The following RAPGEF6 variants were observed in gnomAD, a reference collection of about 807,000 sequenced individuals.
RAPGEF6 encodes the protein PDZ domain containing guanine nucleotide exchange factor (GEF) 2.
Under a neutral mutation model 171.4 loss-of-function variants are expected in RAPGEF6, and 56 were observed. The ratio of observed to expected loss-of-function variants is 0.33; its 90% CI spans 0.26 to 0.41. The LOEUF is 0.41. Among genes scored for constraint, RAPGEF6 ranks in the 10% least tolerant of loss-of-function variants. The probability of loss-of-function intolerance (pLI) is 1.00; values close to 1 mark genes in which losing one functional copy is unlikely to be tolerated. For synonymous variants in RAPGEF6, 692 were observed against 650.1 expected, an observed-to-expected ratio of 1.06 and a Z score of -0.98; for missense variants, 1,674 against 1,921.4, an observed-to-expected ratio of 0.87 and a Z score of 2.41.
At chr5:131,571,188 C>A (rs575233175) in intron 4 of RAPGEF6, among the ~76,000 whole-genome samples, 2 of 152,030 alleles carry the variant, frequency 1.3e-5, no homozygotes, top group East Asian at 3.9e-4. Flanking sequence ...GTGATCCACC[C>A]GCCTTGGCCT....
intron 6 of RAPGEF6, 38 bp from the exon 7 acceptor site, chr5:131,521,559 A>C: frequency 6.4e-7 from 1 of 1,572,706 alleles, no homozygotes; most frequent in Non-Finnish European, 8.6e-7. Context: ...CTAAATGTCA[A>C]GCTTTACCTT....
At chr5:131,467,909 T>C (rs1008741433) in intron 17 of RAPGEF6, among the ~76,000 whole-genome samples, 19 of 151,880 alleles carry the variant, frequency 1.3e-4, no homozygotes, top group Admixed American at 4.6e-4. Flanking sequence ...TGTGTGCCTA[T>C]AGGCCCAGCT....
At chr5:131,463,558 G>A (rs1278026784) in intron 18 of RAPGEF6, 5 of 425,790 alleles carry the variant, frequency 1.2e-5, no homozygotes, top group African/African-American at 7.9e-5. Context: ...CAGCCTGGGC[G>A]ACAGAGGGAG....
rs775241050 is a variant in RAPGEF6 at position 131,461,792 on chromosome 5, T to C, written c.2777A>G (p.Lys926Arg). Residue 926 changes from lysine (K) to arginine (R), a missense_variant, in exon 19 of 28, where the codon AAA (lysine) becomes AGA (arginine). By Grantham distance (26) the Lys-to-Arg change is conservative. This residue lies in a region of RAPGEF6 where 1,116 missense variants were observed against 1,321.5 expected (regional missense o/e 0.84). Transcript: ENST00000509018. ...AAAATGCTTAATAATCTTCATTCGT[T>C]TGAGCTGATTTGCTTCAGTTAAAAT... Reference protein sequence around the residue: ...SEILTEANQLKRMKIIKHFIK... With the variant: ...SEILTEANQLRRMKIIKHFIK... 6.2e-7 allele frequency: 1 copy of C among 1,613,676 alleles called. No individual in the cohort carries two copies. The highest frequency in any genetic ancestry group is 1.1e-5 in the South Asian group (1 of 91,070).
At chr5:131,581,824 C>T (rs1265544524) in intron 4 of RAPGEF6, among the ~76,000 whole-genome samples, 1 of 152,108 alleles carries the variant, frequency 6.6e-6, no homozygotes, top group East Asian at 1.9e-4. Context: ...TGTTAACATT[C>T]CTCCCTGCCC....
intron 1 of RAPGEF6, among the ~76,000 whole-genome samples, chr5:131,613,698 G>T (rs1765085192): frequency 6.6e-6 from 1 of 151,994 alleles, no homozygotes; most frequent in African/African-American, 2.4e-5. Flanking sequence ...GTCAAAAATA[G>T]CTACAGTGTG....
intron 24 of RAPGEF6, among the ~76,000 whole-genome samples, chr5:131,438,108 C>T (rs981628945): frequency 6.7e-6 from 1 of 148,432 alleles, no homozygotes; most frequent in African/African-American, 2.5e-5. Context: ...CCTGCCTCGG[C>T]CTCCTGAGTA....
At chr5:131,488,740 G>A (rs906387903) in intron 15 of RAPGEF6, among the ~76,000 whole-genome samples, 5 of 152,136 alleles carry the variant, frequency 3.3e-5, no homozygotes, top group African/African-American at 1.2e-4. Flanking sequence ...AGCTTTTAAA[G>A]CCAACTCTTA....
At chr5:131,494,553 T>C (rs1254167011) in intron 13 of RAPGEF6, among the ~76,000 whole-genome samples, 3 of 152,070 alleles carry the variant, frequency 2.0e-5, no homozygotes, top group Non-Finnish European at 4.4e-5. Flanking sequence ...GAAAATAAAA[T>C]AGTCTGATTT....
At chr5:131,431,624 T>G (rs1046357722) in intron 25 of RAPGEF6, among the ~76,000 whole-genome samples, 5 of 152,054 alleles carry the variant, frequency 3.3e-5, no homozygotes, top group African/African-American at 1.2e-4. Context: ...GATATTTTTT[T>G]TTTTTTCGAG....
In RAPGEF6 at chr5:131,505,294, A is replaced by T; in HGVS notation, c.1101+70T>A. On this transcript the variant is annotated intron_variant, in intron 10 of 27. Transcript: ENST00000509018. ...TCTCAAATAAAGCTATTTTCTTTTGAGGAAGACAAAACAGGCTCAGCTACT... is the reference window on the plus strand; with the variant it reads ...TCTCAAATAAAGCTATTTTCTTTTGTGGAAGACAAAACAGGCTCAGCTACT... The T allele has an allele frequency of 2.0e-6, 3 of 1,478,496 alleles. No individual in the cohort carries two copies. The Admixed American group carries it at 5.7e-5, about 28-fold the overall frequency. 91.6% of individuals were successfully genotyped at this position (1,478,496 alleles called of 1,614,324 possible).
chr5:131,491,620 C>T (rs912454522), intron 14 of RAPGEF6, among the ~76,000 whole-genome samples: 27 of 152,078 alleles, frequency 1.8e-4, no homozygotes, highest in African/African-American at 6.3e-4. Flanking sequence ...AGCATTACCG[C>T]CTGACCTCCA....
Position 131,429,230 on chromosome 5 carries a change from T to A in RAPGEF6, c.4466-14A>T. The A allele has an allele frequency of 1.3e-6, 2 of 1,496,404 alleles. No homozygotes were observed. The highest frequency in any genetic ancestry group is 1.8e-6 in the Non-Finnish European group (2 of 1,111,776). 92.7% of individuals were successfully genotyped at this position (1,496,404 alleles called of 1,614,324 possible). ...TGACACAGTACACTGGCATGAAAAA[T>A]AAGCAATGAAAATGTTAATGAAAAA... On this transcript the variant is annotated splice_polypyrimidine_tract_variant and intron_variant, in intron 26 of 27. Coordinates refer to ENST00000509018, the MANE Select transcript of RAPGEF6 (RefSeq NM_016340.6).
rs763668842 is a variant in RAPGEF6 at position 131,479,500 on chromosome 5, C to T, written c.2081+13G>A. The T allele has an allele frequency of 8.1e-6, 13 of 1,612,154 alleles. No homozygotes were observed. Among genetic ancestry groups the T allele is most frequent in the East Asian group, 2.2e-5 (1 of 44,820 alleles). ...ATGAAAATTCCTGCATAGCTAAGAT[C>T]GGCATTACCTACCTAAATAGCTTTG... On this transcript the variant is annotated intron_variant, in intron 16 of 27. Coordinates refer to ENST00000509018, the MANE Select transcript of RAPGEF6 (RefSeq NM_016340.6).
chr5:131,470,495 G>A (rs1408185453), intron 17 of RAPGEF6, among the ~76,000 whole-genome samples: 4 of 151,988 alleles, frequency 2.6e-5, no homozygotes, highest in Non-Finnish European at 4.4e-5. Context: ...TATTCCCTCA[G>A]CCCCACATCC....
chr5:131,632,077 A>C (rs1355066524), intron 1 of RAPGEF6, among the ~76,000 whole-genome samples: 1 of 122,730 alleles, frequency 8.1e-6, no homozygotes, highest in African/African-American at 4.5e-5. Context: ...CTCTGTCTCA[A>C]AAAAAAAAAA....
At chr5:131,529,407 T>C (rs1276888612) in intron 6 of RAPGEF6, among the ~76,000 whole-genome samples, 1 of 146,618 alleles carries the variant, frequency 6.8e-6, no homozygotes, top group East Asian at 2.0e-4. Flanking sequence ...ACCCGGGAGG[T>C]GGAGGTTGCA....
chr5:131,615,320 G>A (rs1192106036), intron 1 of RAPGEF6, among the ~76,000 whole-genome samples: 2 of 152,178 alleles, frequency 1.3e-5, no homozygotes, highest in Non-Finnish European at 2.9e-5. Context: ...TGATGTGGGG[G>A]TTATGGCATT....
intron 1 of RAPGEF6, among the ~76,000 whole-genome samples, chr5:131,617,337 C>A (rs920134977): frequency 6.6e-6 from 1 of 152,184 alleles, no homozygotes; most frequent in African/African-American, 2.4e-5. Context: ...ACTCTGGAGA[C>A]AACCGTGTTT....
Sources: gnomAD v4.1 joint callset for allele counts (sites outside exome capture counted in the v4.1 genomes callset) on GRCh38, gnomAD v4.1.1 for gene constraint, gnomAD v4.1.1 regional missense constraint, MANE v1.5 for transcripts, NCBI Gene and HGNC (gene_info 2026-07-23, HGNC 2026-07-21) for gene names.